CACNB2: variants seen among roughly 807,000 people sequenced by gnomAD.
CACNB2 encodes calcium voltage-gated channel auxiliary subunit beta 2, also known as voltage-dependent L-type calcium channel subunit beta-2.
In CACNB2, 42 loss-of-function variants were observed where a neutral mutation model predicts 73.3. The ratio of observed to expected loss-of-function variants is 0.57; its 90% CI spans 0.45 to 0.74. The LOEUF is 0.74. Among genes scored for constraint, CACNB2 ranks in the 30% least tolerant of loss-of-function variants. CACNB2 has a pLI of 0.00. For synonymous variants in CACNB2, 348 were observed against 310.3 expected (o/e 1.12, Z -1.28); for missense variants, 940 against 853.0 (o/e 1.10, Z -1.27).
chr10:18,405,941 G>T (rs895985972), intron 3 of CACNB2, among the ~76,000 whole-genome samples: 3 of 145,980 alleles, frequency 2.1e-5, no homozygotes. Context: ...AACAGAGCAA[G>T]ACTCTGTCAA....
chr10:18,329,314 A>G (rs1022848601), intron 2 of CACNB2, among the ~76,000 whole-genome samples: 1 of 152,160 alleles, frequency 6.6e-6, no homozygotes, highest in African/African-American at 2.4e-5. Context: ...GTGCTAAGCA[A>G]TTGTTAAACA....
Position 18,538,340 on chromosome 10 carries a change from G to A in CACNB2, c.1463G>A (p.Ser488Asn). ...TTAGCCACTTCAAGTCTGCCTCTTA[G>A]CCCCACCCTAGCCTCTAATTCACAG... ...RTLATSSLPL[S>N]PTLASNSQGS... Residue 488 changes from serine to asparagine, a missense_variant, in exon 13 of 14, where the codon AGC (serine) becomes AAC (asparagine). Transcript: ENST00000324631. 2 of 1,613,996 alleles carry A rather than the reference G, an allele frequency of 1.2e-6. No individual in the cohort carries two copies. The highest frequency in any genetic ancestry group is 1.7e-6 in the Non-Finnish European group (2 of 1,179,918).
chr10:18,434,609 T>C (rs530094876), intron 3 of CACNB2, among the ~76,000 whole-genome samples: 1 of 152,226 alleles, frequency 6.6e-6, no homozygotes, highest in Admixed American at 6.5e-5. Context: ...CTAGGTTGCC[T>C]AGGCTGGTCT....
chr10:18,439,508 G>A (rs546032826), intron 3 of CACNB2, among the ~76,000 whole-genome samples: 1 of 152,166 alleles, frequency 6.6e-6, no homozygotes, highest in Non-Finnish European at 1.5e-5. Context: ...TTTTGGGGAT[G>A]ACCTCTTCTG....
intron 3 of CACNB2, among the ~76,000 whole-genome samples, chr10:18,467,709 A>G (rs946744721): frequency 2.6e-5 from 4 of 152,068 alleles, no homozygotes; most frequent in African/African-American, 4.8e-5. Flanking sequence ...CCTCAACCCA[A>G]CTCAAATGGG....
intron 2 of CACNB2, among the ~76,000 whole-genome samples, chr10:18,340,131 A>C (rs533046532): frequency 2.0e-5 from 3 of 152,168 alleles, no homozygotes; most frequent in African/African-American, 4.8e-5. Flanking sequence ...GAGCCTTTTG[A>C]TTTATAGGAG....
intron 2 of CACNB2, among the ~76,000 whole-genome samples, chr10:18,169,010 C>T (rs559794906): frequency 1.5e-3 from 230 of 152,176 alleles, no homozygotes; most frequent in Admixed American, 4.9e-3. Flanking sequence ...CATTTATAAT[C>T]CTCATCTTAT....
chr10:18,231,600 T>A (rs1244675401), intron 2 of CACNB2, among the ~76,000 whole-genome samples: 1 of 152,218 alleles, frequency 6.6e-6, no homozygotes, highest in African/African-American at 2.4e-5. Flanking sequence ...CCATTGAACC[T>A]TCACTGGCAC....
At chr10:18,362,926 A>G (rs1589142966) in intron 2 of CACNB2, among the ~76,000 whole-genome samples, 1 of 152,114 alleles carries the variant, frequency 6.6e-6, no homozygotes, top group African/African-American at 2.4e-5. Flanking sequence ...ACAGAAAAAC[A>G]AAAGAAGGAA....
chr10:18,269,000 G>A (rs2037933041), intron 2 of CACNB2, among the ~76,000 whole-genome samples: 1 of 152,104 alleles, frequency 6.6e-6, no homozygotes, highest in Admixed American at 6.6e-5. Context: ...TTTAGGTCTG[G>A]CCTTCATGAG....
intron 3 of CACNB2, among the ~76,000 whole-genome samples, chr10:18,474,800 G>A (rs1249510010): frequency 6.6e-6 from 1 of 152,020 alleles, no homozygotes; most frequent in African/African-American, 2.4e-5. Context: ...CAGTTCTCCA[G>A]TTCTCTGCAG....
chr10:18,199,164 A>G (rs1934490625), intron 2 of CACNB2, among the ~76,000 whole-genome samples: 1 of 152,186 alleles, frequency 6.6e-6, no homozygotes, highest in South Asian at 2.1e-4. Flanking sequence ...CTCTTTGAAA[A>G]TTAGTCTAAA....
chr10:18,288,676 T>TACACACACACACACACACACACAC (rs372916856), intron 2 of CACNB2, among the ~76,000 whole-genome samples: 77 of 144,416 alleles, frequency 5.3e-4, no homozygotes, highest in Middle Eastern at 3.5e-3. Flanking sequence ...ATGAGATTTA[T>TACACACACACACACACACACACAC]ACACACACAC....
chr10:18,226,502 C>T (rs1430634968), intron 2 of CACNB2, among the ~76,000 whole-genome samples: 1 of 152,090 alleles, frequency 6.6e-6, no homozygotes, highest in East Asian at 1.9e-4. Context: ...GCTGTGGTTC[C>T]TTCATTTGGT....
At chr10:18,154,456 T>A (rs747950820) in intron 2 of CACNB2, among the ~76,000 whole-genome samples, 1 of 151,962 alleles carries the variant, frequency 6.6e-6, no homozygotes. Flanking sequence ...AGGACTGTTA[T>A]CTTTTTTTTT....
chr10:18,416,495 C>T (rs954264575), intron 3 of CACNB2, among the ~76,000 whole-genome samples: 2 of 152,188 alleles, frequency 1.3e-5, no homozygotes, highest in African/African-American at 4.8e-5. Flanking sequence ...CAGCTCACTG[C>T]AACCTCCACC....
At chr10:18,249,067 C>T (rs996660039) in intron 2 of CACNB2, among the ~76,000 whole-genome samples, 4 of 152,196 alleles carry the variant, frequency 2.6e-5, no homozygotes, top group African/African-American at 4.8e-5. Flanking sequence ...CTTCCTTGTA[C>T]TTAAATCTGC....
intron 3 of CACNB2, among the ~76,000 whole-genome samples, chr10:18,497,072 C>T (rs2049877185): frequency 3.3e-5 from 5 of 151,158 alleles, no homozygotes; most frequent in South Asian, 2.1e-4. Flanking sequence ...ATTAGCTGGG[C>T]GTGGTGGCTC....
chr10:18,499,484 A>G (rs11014517), intron 4 of CACNB2, among the ~76,000 whole-genome samples: 1,581 of 152,070 alleles, frequency 0.01, 13 homozygotes, highest in Non-Finnish European at 0.017. Flanking sequence ...GTGTAGTGGC[A>G]CATGCCTGTA....
Sources: allele counts gnomAD v4.1 joint callset (sites outside exome capture counted in the v4.1 genomes callset), GRCh38; gene constraint gnomAD v4.1.1; transcripts MANE v1.5; gene names NCBI Gene and HGNC (gene_info 2026-07-23, HGNC 2026-07-21).